The following CCND2 variants were observed in gnomAD, a reference collection of about 807,000 sequenced individuals.
CCND2 encodes the protein cyclin D2.
In CCND2, 6 loss-of-function variants were observed where a neutral mutation model predicts 30.2. The ratio of observed to expected loss-of-function variants is 0.20; its 90% CI spans 0.11 to 0.39. The LOEUF is 0.39. Among genes scored for constraint, CCND2 ranks in the 10% least tolerant of loss-of-function variants. The pLI, the probability that CCND2 is intolerant of heterozygous loss-of-function variation, is 1.00. For synonymous variants in CCND2, 150 were observed against 153.1 expected (o/e 0.98, Z 0.15); for missense variants, 235 against 373.4 (o/e 0.63, Z 3.06).
intron 3 of CCND2, among the ~76,000 whole-genome samples, chr12:4,280,295 T>C (rs1289067825): frequency 6.6e-6 from 1 of 152,272 alleles, no homozygotes. Context: ...TGGCTTTCCT[T>C]TTCTGGCTGC....
Position 4,273,852 on chromosome 12 carries a change from C to G in CCND2, c.-189C>G. The stretch of plus-strand genomic sequence containing the variant: ...GCAGCCCCGAGGCTCTGCTCGCCCA[C>G]CACCCAATCCTCGCCTCCCTTCTGC... On this transcript the variant is annotated 5_prime_UTR_variant, in exon 1 of 5. Transcript: ENST00000261254. The surrounding 1 kb of genome is among the most constrained non-coding windows in gnomAD (Gnocchi z 5.9). 1.6e-6 allele frequency: 1 copy of G among 626,422 alleles called. No homozygotes were observed. 38.8% of individuals were successfully genotyped at this position (626,422 alleles called of 1,614,324 possible).
Position 4,274,370 on chromosome 12 carries a change from C to G in CCND2, c.195+135C>G. On this transcript the variant is annotated intron_variant, in intron 1 of 4. Transcript: ENST00000261254. The surrounding 1 kb of genome is among the most constrained non-coding windows in gnomAD (Gnocchi z 7.7). ...TCCTGTGCGGGAGTTTACCGCGCGC[C>G]TTCTGGCGAGACGCGTGGCTTTATT... 1.1e-6 allele frequency: 1 copy of G among 899,598 alleles called. No homozygotes were observed. The highest frequency in any genetic ancestry group is 1.7e-6 in the Non-Finnish European group (1 of 578,884). The allele number at this position is 899,598 out of a possible 1,614,324, so 55.7% of individuals were successfully genotyped here. A position where few individuals can be genotyped will look rare whatever the true frequency, so the allele number is the denominator to read the frequency against.
Position 4,296,768 on chromosome 12 carries a change from G to T in CCND2, c.721-3092G>T, listed in dbSNP as rs1419947396. 2.0e-5 allele frequency among the ~76,000 whole-genome samples: 3 copies of T among 151,706 alleles called. No homozygotes were observed. In the East Asian group the frequency reaches 5.8e-4, roughly 29 times the overall value. On this transcript the variant is annotated intron_variant, in intron 4 of 4. Transcript: ENST00000261254. ...CTTCTCAAGTCCCTGTACAGTGGAG[G>T]AACATTACACGTGAACTTCCTGGAT...
intron 1 of CCND2, among the ~76,000 whole-genome samples, chr12:4,275,674 G>A (rs1565431373): frequency 6.6e-6 from 1 of 151,336 alleles, no homozygotes; most frequent in Non-Finnish European, 1.5e-5. Context: ...AAGAGTGAGT[G>A]AGTTAGAGTG....
intron 3 of CCND2, among the ~76,000 whole-genome samples, chr12:4,283,227 G>T (rs1449941377): frequency 6.6e-6 from 1 of 152,212 alleles, no homozygotes; most frequent in Non-Finnish European, 1.5e-5. Context: ...GAGCCCAGCG[G>T]GACCCCCAGA....
Position 4,299,466 on chromosome 12 carries a change from C to T in CCND2, c.721-394C>T, listed in dbSNP as rs1229868266. Among the ~76,000 whole-genome samples the T allele has an allele frequency of 6.6e-6, 1 of 152,188 alleles. No homozygotes were observed. The highest frequency in any genetic ancestry group is 1.9e-4 in the East Asian group (1 of 5,196). On this transcript the variant is annotated intron_variant, in intron 4 of 4. Coordinates refer to ENST00000261254, the MANE Select transcript of CCND2 (RefSeq NM_001759.4). This position sits in a 1 kb window ranked among gnomAD's most constrained non-coding sequence, Gnocchi z 5.2. ...GCACTTCTAGTAGCCTTCCCCTTTTCTCTGCCACTTCCCAGCTTCCCCAGG... is the reference window on the plus strand; with the variant it reads ...GCACTTCTAGTAGCCTTCCCCTTTTTTCTGCCACTTCCCAGCTTCCCCAGG...
intron 3 of CCND2, among the ~76,000 whole-genome samples, chr12:4,280,305 C>G (rs1296025319): frequency 2.6e-5 from 4 of 152,270 alleles, no homozygotes; most frequent in Non-Finnish European, 4.4e-5. Flanking sequence ...TTTCTGGCTG[C>G]CCTTACGTGT....
rs1864215534 is a variant in CCND2, at chr12:4,299,244, C to T, written c.721-616C>T. Among the ~76,000 whole-genome samples, 1 of 152,194 alleles carries T rather than the reference C, an allele frequency of 6.6e-6. No individual in the cohort carries two copies. Among genetic ancestry groups the T allele is most frequent in the Admixed American group, 6.5e-5 (1 of 15,288 alleles). ...GCGCGGTGGCGGGTGCCTGTAGTCC[C>T]AGCTACTTGGGAGGCTGAGGCAGGA... On this transcript the variant is annotated intron_variant, in intron 4 of 4. Transcript: ENST00000261254. This position sits in a 1 kb window ranked among gnomAD's most constrained non-coding sequence, Gnocchi z 5.2.
Position 4,293,268 on chromosome 12 carries a change from G to T in CCND2, c.720+4278G>T, listed in dbSNP as rs923708453. On this transcript the variant is annotated intron_variant, in intron 4 of 4. Coordinates refer to ENST00000261254, the MANE Select transcript of CCND2 (RefSeq NM_001759.4). This position sits in a 1 kb window ranked among gnomAD's most constrained non-coding sequence, Gnocchi z 4.9. ...AAATTCACTAACTAAAAAATGGAAT[G>T]GAGGCTCACAGGCCATAAAGGTGTT... Among the ~76,000 whole-genome samples the T allele has an allele frequency of 6.6e-6, 1 of 152,176 alleles. No individual in the cohort carries two copies. The highest frequency in any genetic ancestry group is 1.5e-5 in the Non-Finnish European group (1 of 68,040).
At chr12:4,277,673 G>T (rs796653943) in intron 2 of CCND2, among the ~76,000 whole-genome samples, 11 of 152,308 alleles carry the variant, frequency 7.2e-5, no homozygotes, top group African/African-American at 2.6e-4. Context: ...AAATGAGAAG[G>T]CTGAGGCCTG....
At chr12:4,278,711 A>G in intron 2 of CCND2, 49 bp from the exon 3 acceptor site, 10 of 1,599,144 alleles carry the variant, frequency 6.3e-6, no homozygotes, top group Non-Finnish European at 8.6e-6. Context: ...ACACCAGGTC[A>G]GCCTGTGGAA....
chr12:4,284,749 T>TC (rs925377678), intron 3 of CCND2, among the ~76,000 whole-genome samples: 1 of 150,982 alleles, frequency 6.6e-6, no homozygotes, highest in Non-Finnish European at 1.5e-5. Context: ...TTTTTCTTTT[T>TC]TTTTTTTGAG....
chr12:4,274,223 C>G lies in CCND2; in HGVS notation c.183C>G (p.Thr61=), dbSNP rs1863828245. ...IQPYMRRMVA[T]WMLEVCEEQK... Reference sequence around the variant, plus strand: ...CCTACATGCGCAGAATGGTGGCCACCTGGATGCTGGAGGTAGGTCGGGGGG... The same window carrying G: ...CCTACATGCGCAGAATGGTGGCCACGTGGATGCTGGAGGTAGGTCGGGGGG... The change falls in exon 1 of 5, where the codon ACC becomes ACG. Residue 61 remains threonine (T), a synonymous_variant. Transcript: ENST00000261254. This position sits in a 1 kb window ranked among gnomAD's most constrained non-coding sequence, Gnocchi z 7.7. 1 of 1,613,836 alleles carries G rather than the reference C, an allele frequency of 6.2e-7. No homozygotes were observed. Among genetic ancestry groups the G allele is most frequent in the Non-Finnish European group, 8.5e-7 (1 of 1,179,882 alleles).
chr12:4,292,110 T>C (rs776016959), intron 4 of CCND2, among the ~76,000 whole-genome samples: 3 of 152,100 alleles, frequency 2.0e-5, no homozygotes, highest in Non-Finnish European at 4.4e-5. Flanking sequence ...AAATTTGACA[T>C]TATGTGTATT....
rs147821686 is a variant in CCND2, at chr12:4,299,952, G to A, written c.813G>A (p.Ser271=). 1.8e-5 allele frequency: 29 copies of A among 1,614,018 alleles called. No homozygotes were observed. The highest frequency in any genetic ancestry group is 1.6e-4 in the Middle Eastern group (1 of 6,084). Residue 271 remains serine, a synonymous_variant, in exon 5 of 5, where the codon TCG becomes TCA. Coordinates refer to ENST00000261254, the MANE Select transcript of CCND2 (RefSeq NM_001759.4). This position sits in a 1 kb window ranked among gnomAD's most constrained non-coding sequence, Gnocchi z 5.2. ...YRQDQRDGSK[S]EDELDQASTP... ...AGGACCAACGTGACGGATCCAAGTC[G>A]GAGGATGAACTGGACCAAGCCAGCA...
At chr12:4,284,438 G>A (rs891740320) in intron 3 of CCND2, among the ~76,000 whole-genome samples, 2 of 152,226 alleles carry the variant, frequency 1.3e-5, no homozygotes, top group African/African-American at 2.4e-5. Flanking sequence ...GGTCTGCTTT[G>A]GTTGGAGGGG....
At chr12:4,290,862 A>G (rs1429561870) in intron 4 of CCND2, among the ~76,000 whole-genome samples, 1 of 152,118 alleles carries the variant, frequency 6.6e-6, no homozygotes, top group Non-Finnish European at 1.5e-5. Flanking sequence ...CAGCTGGCCA[A>G]CTCTGTTAAA....
chr12:4,287,271 G>A lies in CCND2; in HGVS notation c.572-1571G>A, dbSNP rs931732990. ...GGCTGTGCTTGGCTCAGGGATCCAC[G>A]GTGTCTAACAATGCTGCTAACTTGA... On this transcript the variant is annotated intron_variant, in intron 3 of 4. Transcript: ENST00000261254. This position sits in a 1 kb window ranked among gnomAD's most constrained non-coding sequence, Gnocchi z 4.0. 4.6e-5 allele frequency among the ~76,000 whole-genome samples: 7 copies of A among 152,176 alleles called. No individual in the cohort carries two copies. The highest frequency in any genetic ancestry group is 6.5e-5 in the Admixed American group (1 of 15,282).
chr12:4,296,482 T>C (rs1864170464), intron 4 of CCND2, among the ~76,000 whole-genome samples: 1 of 152,274 alleles, frequency 6.6e-6, no homozygotes, highest in Admixed American at 6.5e-5. Context: ...AATGTAATGG[T>C]TCAGAGCTAT....
Sources: allele counts gnomAD v4.1 joint callset (sites outside exome capture counted in the v4.1 genomes callset), GRCh38; gene constraint gnomAD v4.1.1; non-coding constraint Gnocchi (gnomAD v3.1); transcripts MANE v1.5; gene names NCBI Gene and HGNC (gene_info 2026-07-23, HGNC 2026-07-21).